The following GLIS3 variants were observed in gnomAD, a reference collection of about 807,000 sequenced individuals.
GLIS3 encodes the protein GLIS family zinc finger 3.
A neutral mutation model predicts 78.6 loss-of-function variants in GLIS3; 53 were observed. The observed-to-expected ratio is 0.67, with a 90% CI of 0.54 to 0.85. GLIS3 has a LOEUF of 0.85. Among genes scored for constraint, GLIS3 ranks in the 40% least tolerant of loss-of-function variants. The pLI is 0.00. For missense variants in GLIS3, 1,703 were observed against 1,231.1 expected (o/e 1.38, Z -5.74); for synonymous variants, 684 against 509.9 (o/e 1.34, Z -4.60).
intron 4 of GLIS3, among the ~76,000 whole-genome samples, chr9:4,033,864 TAAAAAAAA>T (rs34745570): frequency 7.4e-5 from 5 of 67,980 alleles, no homozygotes; most frequent in Non-Finnish European, 1.2e-4. Context: ...AGGCGAAGGA[TAAAAAAAA>T]AAAAAAAAAA....
At chr9:4,005,033 C>G (rs1470011247) in intron 4 of GLIS3, among the ~76,000 whole-genome samples, 1 of 152,156 alleles carries the variant, frequency 6.6e-6, no homozygotes, top group African/African-American at 2.4e-5. Flanking sequence ...AATCCTGATG[C>G]CCCCAGTGGT....
chr9:3,931,944 G>C (rs1490716587), intron 6 of GLIS3, among the ~76,000 whole-genome samples: 2 of 152,160 alleles, frequency 1.3e-5, no homozygotes, highest in East Asian at 3.8e-4. Flanking sequence ...TTGGCCAATT[G>C]ATATTTTATG....
At chr9:4,106,696 C>G (rs1313263101) in intron 4 of GLIS3, among the ~76,000 whole-genome samples, 2 of 152,134 alleles carry the variant, frequency 1.3e-5, no homozygotes, top group Non-Finnish European at 2.9e-5. Context: ...ACTTTATGAA[C>G]AGATGGGGAA....
At chr9:3,855,897 C>G in intron 9 of GLIS3, 112 bp downstream of exon 9, 1 of 1,190,170 alleles carries the variant, frequency 8.4e-7, no homozygotes, top group Non-Finnish European at 1.3e-6. Context: ...TCATGAAAGC[C>G]TAAGCCTGGT....
intron 7 of GLIS3, among the ~76,000 whole-genome samples, chr9:3,895,199 T>C (rs923573821): frequency 5.9e-5 from 9 of 152,248 alleles, no homozygotes; most frequent in African/African-American, 2.2e-4. Context: ...ATACAAGCAC[T>C]AAGCCTTGAA....
rs368160002 is a variant in GLIS3 at position 3,825,861 on chromosome 9, T to A, written c.*2411A>T. 1.3e-5 allele frequency: 2 copies of A among 152,278 alleles called. No homozygotes were observed. The highest frequency in any genetic ancestry group is 2.4e-5 in the African/African-American group (1 of 41,430). 9.4% of individuals were successfully genotyped at this position (152,278 alleles called of 1,614,324 possible). ...TGTGGCCAGCATGCTCTCTCTGAGA[T>A]AAAATGTCCCTCTGGGGCTCCACAT... On this transcript the variant is annotated 3_prime_UTR_variant, in exon 11 of 11. Transcript: ENST00000381971.
chr9:3,992,919 T>C (rs1378976723), intron 4 of GLIS3, among the ~76,000 whole-genome samples: 1 of 152,188 alleles, frequency 6.6e-6, no homozygotes, highest in Non-Finnish European at 1.5e-5. Flanking sequence ...ATTTTCCACT[T>C]GTGAATAAAA....
At chr9:4,191,764 C>G (rs1032655118) in intron 2 of GLIS3, among the ~76,000 whole-genome samples, 2 of 152,156 alleles carry the variant, frequency 1.3e-5, no homozygotes, top group East Asian at 3.8e-4. Flanking sequence ...GTGGTTTAAT[C>G]ATTGGCTCTA....
In GLIS3 at chr9:4,296,767, G is replaced by GA. The variant is rs916202901; in HGVS notation, c.-99+2653dup. 9.3e-5 allele frequency among the ~76,000 whole-genome samples: 14 copies of GA among 149,746 alleles called. 1 individual carries two copies. Among genetic ancestry groups the GA allele is most frequent in the South Asian group, 6.3e-4 (3 of 4,736 alleles). ...TAAGGACAGGTGTTTTGAAAATAGC[G>GA]AAAAAAAAATGTCCCCTACACTTCC... is the stretch of plus-strand genomic sequence containing the variant. On this transcript the variant is annotated intron_variant, in intron 1 of 10. Transcript: ENST00000381971.
chr9:4,338,389 TACAC>T (rs202090144), intron 2 of GLIS3, among the ~76,000 whole-genome samples: 2,051 of 147,452 alleles, frequency 0.014, 41 homozygotes, highest in African/African-American at 0.049. Flanking sequence ...CACACACACA[TACAC>T]ACACACACAC....
At chr9:4,404,451 A>G in the GLIS3 span, among the ~76,000 whole-genome samples, 1 of 152,238 alleles carries the variant, frequency 6.6e-6, no homozygotes, top group Non-Finnish European at 1.5e-5. Context: ...TTTCTCAAGA[A>G]TAGACCATAT....
intron 4 of GLIS3, among the ~76,000 whole-genome samples, chr9:4,065,391 AC>A (rs1446723571): frequency 6.6e-6 from 1 of 152,222 alleles, no homozygotes; most frequent in African/African-American, 2.4e-5. Flanking sequence ...CTGTATAAAG[AC>A]CTTCACTTTT....
At chr9:4,318,485 A>G (rs1400648549) in intron 2 of GLIS3, among the ~76,000 whole-genome samples, 2 of 152,198 alleles carry the variant, frequency 1.3e-5, no homozygotes, top group African/African-American at 2.4e-5. Flanking sequence ...CCTCAAAAAT[A>G]TAAGGGGCAG....
intron 2 of GLIS3, among the ~76,000 whole-genome samples, chr9:4,165,163 G>T (rs986691546): frequency 6.6e-6 from 1 of 152,112 alleles, no homozygotes; most frequent in African/African-American, 2.4e-5. Flanking sequence ...ATTCCTGGCC[G>T]AGCACGATGG....
chr9:3,980,507 C>T (rs755571820), intron 4 of GLIS3, among the ~76,000 whole-genome samples: 1 of 152,136 alleles, frequency 6.6e-6, no homozygotes, highest in Non-Finnish European at 1.5e-5. Flanking sequence ...ACTGGTATTG[C>T]TTTGTTCGAG....
At chr9:4,183,345 C>T (rs1205696244) in intron 2 of GLIS3, among the ~76,000 whole-genome samples, 1 of 152,180 alleles carries the variant, frequency 6.6e-6, no homozygotes, top group Non-Finnish European at 1.5e-5. Flanking sequence ...CTGAAAGGAA[C>T]CCACATTCCT....
chr9:4,187,053 G>C (rs538053020), intron 2 of GLIS3, among the ~76,000 whole-genome samples: 4 of 152,152 alleles, frequency 2.6e-5, no homozygotes, highest in Admixed American at 1.3e-4. Flanking sequence ...CAGTGTTTTA[G>C]ACATGAAGTC....
intron 4 of GLIS3, among the ~76,000 whole-genome samples, chr9:3,950,873 C>T (rs781113961): frequency 1.5e-4 from 23 of 152,216 alleles, no homozygotes; most frequent in Non-Finnish European, 2.1e-4. Context: ...CTCCCTCCCT[C>T]GCTTTCTTTC....
At chr9:4,301,862 C>T (rs552553896), upstream of GLIS3, among the ~76,000 whole-genome samples, 2 of 152,210 alleles carry the variant, frequency 1.3e-5, no homozygotes, top group East Asian at 3.9e-4. Context: ...CTGGAGATCC[C>T]CAAAATCTCT....
Sources: gnomAD v4.1 joint callset for allele counts (sites outside exome capture counted in the v4.1 genomes callset) on GRCh38, gnomAD v4.1.1 for gene constraint, MANE v1.5 for transcripts, NCBI Gene and HGNC (gene_info 2026-07-23, HGNC 2026-07-21) for gene names.